Variants in RIMS1 observed in about 807,000 individuals in gnomAD.
RIMS1 encodes the protein regulating synaptic membrane exocytosis protein 1.
Under a neutral mutation model 214.1 loss-of-function variants are expected in RIMS1, and 83 were observed. That is an observed-to-expected ratio of 0.39 (90% CI 0.32 to 0.47). The LOEUF (loss-of-function observed/expected upper bound fraction) is 0.47, where lower values mean the gene tolerates loss of function less well. Ranked by LOEUF, RIMS1 falls within the 20% of genes least tolerant of loss-of-function variation. RIMS1 has a pLI of 0.99. For synonymous variants in RIMS1, 793 were observed against 786.8 expected (o/e 1.01, Z -0.13); for missense variants, 2,050 against 2,161.8 (o/e 0.95, Z 1.03).
chr6:72,216,713 G>A, intron 6 of RIMS1: 1 of 985,638 alleles, frequency 1.0e-6, no homozygotes, highest in Non-Finnish European at 1.2e-6. Context: ...GTGAGTGTCA[G>A]TGGGAACAAG....
chr6:72,326,408 A>G (rs912351355), intron 28 of RIMS1, among the ~76,000 whole-genome samples: 7 of 151,880 alleles, frequency 4.6e-5, no homozygotes, highest in African/African-American at 1.7e-4. Context: ...TGATTGTCTT[A>G]CATTACCCAT....
intron 1 of RIMS1, among the ~76,000 whole-genome samples, chr6:71,894,372 G>C (rs1562136916): frequency 6.6e-6 from 1 of 152,112 alleles, no homozygotes; most frequent in Non-Finnish European, 1.5e-5. Flanking sequence ...CTTGAAACCA[G>C]GAGGCAGAGG....
chr6:71,935,493 G>A (rs1362532588), intron 1 of RIMS1, among the ~76,000 whole-genome samples: 1 of 152,200 alleles, frequency 6.6e-6, no homozygotes, highest in Non-Finnish European at 1.5e-5. Flanking sequence ...TGTTAAAAAT[G>A]TTTTAAAAAG....
At chr6:72,104,141 T>A (rs2153812426) in intron 4 of RIMS1, among the ~76,000 whole-genome samples, 1 of 152,302 alleles carries the variant, frequency 6.6e-6, no homozygotes, top group African/African-American at 2.4e-5. Flanking sequence ...TGGAATTTAA[T>A]ATCTGTCTGT....
intron 2 of RIMS1, among the ~76,000 whole-genome samples, chr6:72,008,795 G>A (rs904934434): frequency 6.6e-6 from 1 of 152,088 alleles, no homozygotes; most frequent in African/African-American, 2.4e-5. Context: ...ATATATGCAT[G>A]CAATACAGGA....
At chr6:72,270,896 G>T (rs566960625) in intron 22 of RIMS1, among the ~76,000 whole-genome samples, 1 of 152,112 alleles carries the variant, frequency 6.6e-6, no homozygotes, top group Non-Finnish European at 1.5e-5. Context: ...ATGGAAACAT[G>T]AGACTTAAGG....
intron 29 of RIMS1, among the ~76,000 whole-genome samples, chr6:72,353,594 A>G (rs2097535955): frequency 6.6e-6 from 1 of 152,260 alleles, no homozygotes; most frequent in Non-Finnish European, 1.5e-5. Context: ...TTATGAGTTT[A>G]ATAGACTTTG....
intron 6 of RIMS1, among the ~76,000 whole-genome samples, chr6:72,197,019 G>T (rs1237679122): frequency 2.0e-5 from 3 of 152,002 alleles, no homozygotes; most frequent in East Asian, 1.9e-4. Flanking sequence ...AAAGGCCCAA[G>T]ATTTAAATCC....
intron 1 of RIMS1, among the ~76,000 whole-genome samples, chr6:71,939,914 A>G (rs779117753): frequency 1.3e-5 from 2 of 152,220 alleles, no homozygotes; most frequent in African/African-American, 4.8e-5. Context: ...AAATGGAGCT[A>G]CTGGGCCTGG....
chr6:72,066,370 G>T (rs563147941), intron 2 of RIMS1, among the ~76,000 whole-genome samples: 207 of 152,190 alleles, frequency 1.4e-3, no homozygotes, highest in African/African-American at 4.7e-3. Context: ...TCTTTATGAG[G>T]TCATTCAGTA....
chr6:72,298,078 G>A (rs1056460779), intron 26 of RIMS1, among the ~76,000 whole-genome samples: 2 of 151,944 alleles, frequency 1.3e-5, no homozygotes, highest in Non-Finnish European at 2.9e-5. Flanking sequence ...AGGGACTGAG[G>A]GTTTTCCCAA....
Position 71,992,394 on chromosome 6 carries a change from T to TTC in RIMS1, c.245+23343_245+23344dup, listed in dbSNP as rs377623445. Among the ~76,000 whole-genome samples the TTC allele has an allele frequency of 9.6e-3, 944 of 98,098 alleles. 6 individuals are homozygous for TTC. The highest frequency in any genetic ancestry group is 0.027 in the African/African-American group (655 of 24,354). 64.4% of individuals were successfully genotyped at this position (98,098 alleles called of 152,430 possible). On this transcript the variant is annotated intron_variant, in intron 2 of 33. Coordinates refer to ENST00000521978, the MANE Select transcript of RIMS1 (RefSeq NM_014989.7). ...TTTCTTTCTTTGCTTGCTTCTTTCT[T>TTC]TCTCTCTCTCTCTTTCTTTCTTTCT... is the stretch of plus-strand genomic sequence containing the variant.
At chr6:72,368,496 G>A (rs1038577161) in intron 29 of RIMS1, among the ~76,000 whole-genome samples, 4 of 150,598 alleles carry the variant, frequency 2.7e-5, no homozygotes, top group East Asian at 1.9e-4. Flanking sequence ...GGATTTCACC[G>A]TGTTAGCCAG....
chr6:72,093,229 A>ATATATATATATATATATATATATATATAT (rs1562294511), intron 2 of RIMS1, among the ~76,000 whole-genome samples: 3 of 82,670 alleles, frequency 3.6e-5, no homozygotes, highest in East Asian at 3.4e-4. Context: ...TATATATATA[A>ATATATATATATATATATATATATATATAT]AAACATGTGT....
chr6:72,157,776 A>G lies in RIMS1; in HGVS notation c.472-21799A>G, dbSNP rs976684300. 8.6e-5 allele frequency among the ~76,000 whole-genome samples: 12 copies of G among 140,346 alleles called. 1 individual carries two copies. The highest frequency in any genetic ancestry group is 2.9e-4 in the African/African-American group (12 of 40,684). 92.1% of individuals were successfully genotyped at this position (140,346 alleles called of 152,430 possible). On this transcript the variant is annotated intron_variant, in intron 4 of 33. Coordinates refer to ENST00000521978, the MANE Select transcript of RIMS1 (RefSeq NM_014989.7). ...AATTTTCTTACATACTGTAGGTGGCACTATATTTGTATTGAAATTTGTCAT... is the reference window on the plus strand; with the variant it reads ...AATTTTCTTACATACTGTAGGTGGCGCTATATTTGTATTGAAATTTGTCAT...
At chr6:72,392,282 CTATGT>C (rs1339533358) in intron 30 of RIMS1, among the ~76,000 whole-genome samples, 2 of 152,168 alleles carry the variant, frequency 1.3e-5, no homozygotes, top group African/African-American at 4.8e-5. Context: ...AGAACTTGAA[CTATGT>C]TATAACATTT....
chr6:72,282,352 A>G (rs1192696704), intron 23 of RIMS1, among the ~76,000 whole-genome samples: 2 of 152,038 alleles, frequency 1.3e-5, no homozygotes, highest in African/African-American at 4.8e-5. Context: ...ACCATGTCTC[A>G]TTGATTTCAG....
At chr6:72,317,003 C>T (rs529641266) in intron 28 of RIMS1, 5 of 533,472 alleles carry the variant, frequency 9.4e-6, no homozygotes, top group Non-Finnish European at 1.8e-5. Flanking sequence ...TGCTGGGAAG[C>T]CTCCCCCTCC....
At chr6:72,153,871 G>C (rs1246854446) in intron 4 of RIMS1, among the ~76,000 whole-genome samples, 1 of 152,024 alleles carries the variant, frequency 6.6e-6, no homozygotes, top group African/African-American at 2.4e-5. Flanking sequence ...CTTTTTTATA[G>C]TTTAAAATTT....
Sources: gnomAD v4.1 joint callset for allele counts (sites outside exome capture counted in the v4.1 genomes callset) on GRCh38, gnomAD v4.1.1 for gene constraint, MANE v1.5 for transcripts, NCBI Gene and HGNC (gene_info 2026-07-23, HGNC 2026-07-21) for gene names.